Variants in STK33 observed in about 807,000 individuals in gnomAD.
The protein encoded by STK33 is serine/threonine kinase 33, also known as serine/threonine-protein kinase 33.
In STK33, 52 loss-of-function variants were observed where a neutral mutation model predicts 58.0. The observed-to-expected ratio is 0.90, with a 90% CI of 0.72 to 1.13. The LOEUF is 1.13. Among genes scored for constraint, STK33 ranks in the 50% most tolerant of loss-of-function variants. The pLI, the probability that STK33 is intolerant of heterozygous loss-of-function variation, is 0.00. For synonymous variants in STK33, 215 were observed against 200.1 expected (o/e 1.07, Z -0.63); for missense variants, 630 against 604.2 (o/e 1.04, Z -0.45).
At chr11:8,442,034 C>CATACCTACACCT (rs985918411) in intron 11 of STK33, among the ~76,000 whole-genome samples, 6 of 36,616 alleles carry the variant, frequency 1.6e-4, no homozygotes, top group Admixed American at 1.1e-3. Context: ...TACACCTACA[C>CATACCTACACCT]ACACACACAC....
chr11:8,461,555 T>A (rs1309720726), intron 8 of STK33, among the ~76,000 whole-genome samples: 1 of 152,166 alleles, frequency 6.6e-6, no homozygotes, highest in South Asian at 2.1e-4. Context: ...TATGAAGTTG[T>A]TGTAATTTTA....
intron 15 of STK33, among the ~76,000 whole-genome samples, chr11:8,406,972 T>C (rs560909015): frequency 1.9e-5 from 2 of 107,490 alleles, no homozygotes; most frequent in African/African-American, 8.4e-5. Context: ...CTAATTGTAG[T>C]TTTGGATTTT....
At chr11:8,440,031 C>A (rs137879336) in intron 12 of STK33, among the ~76,000 whole-genome samples, 1 of 150,736 alleles carries the variant, frequency 6.6e-6, no homozygotes, top group East Asian at 2.0e-4. Flanking sequence ...TCAGAAAGAC[C>A]CTGCAATAGT....
At chr11:8,353,845 G>A in the STK33 span, among the ~76,000 whole-genome samples, 1 of 152,146 alleles carries the variant, frequency 6.6e-6, no homozygotes, top group Non-Finnish European at 1.5e-5. Context: ...AACAGCCACA[G>A]CCCCAGATCC....
chr11:8,346,583 C>T, the STK33 span, among the ~76,000 whole-genome samples: 1 of 152,330 alleles, frequency 6.6e-6, no homozygotes, highest in Middle Eastern at 3.4e-3. Flanking sequence ...TGAGGAAAGG[C>T]CCGGCTTCCA....
chr11:8,490,664 T>C (rs1210633419), intron 1 of STK33, among the ~76,000 whole-genome samples: 2 of 152,004 alleles, frequency 1.3e-5, no homozygotes, highest in African/African-American at 4.8e-5. Flanking sequence ...CACCTTCCAG[T>C]AGGGGGCTGA....
chr11:8,493,567 A>T (rs2138796656), intron 1 of STK33, among the ~76,000 whole-genome samples: 1 of 152,304 alleles, frequency 6.6e-6, no homozygotes, highest in East Asian at 1.9e-4. Context: ...AATCAATAGA[A>T]AAAGAGAAAA....
At chr11:8,556,220 G>C (rs2140808584) in intron 1 of STK33, among the ~76,000 whole-genome samples, 1 of 152,278 alleles carries the variant, frequency 6.6e-6, no homozygotes, top group Non-Finnish European at 1.5e-5. Flanking sequence ...CGGGTAATTG[G>C]GGAGCTGGTA....
chr11:8,559,583 G>C (rs1252143156), intron 1 of STK33, among the ~76,000 whole-genome samples: 1 of 152,098 alleles, frequency 6.6e-6, no homozygotes, highest in South Asian at 2.1e-4. Context: ...GAACCTACTT[G>C]ATTTGTTTTA....
At chr11:8,527,478 GTTT>G (rs548742894) in intron 1 of STK33, among the ~76,000 whole-genome samples, 1 of 145,118 alleles carries the variant, frequency 6.9e-6, no homozygotes, top group African/African-American at 2.5e-5. Context: ...GTGAGTTTTT[GTTT>G]TTTTTTTTAA....
chr11:8,411,612 G>A (rs1940257951), intron 15 of STK33, among the ~76,000 whole-genome samples: 1 of 152,162 alleles, frequency 6.6e-6, no homozygotes, highest in African/African-American at 2.4e-5. Context: ...ATCAAGGGAA[G>A]ACAAGCTCCT....
At chr11:8,381,355 A>C in the STK33 span, among the ~76,000 whole-genome samples, 1 of 152,138 alleles carries the variant, frequency 6.6e-6, no homozygotes, top group African/African-American at 2.4e-5. Flanking sequence ...TATTCCAAGT[A>C]ATCTGTCAGC....
chr11:8,519,733 G>GA (rs199895219), intron 1 of STK33, among the ~76,000 whole-genome samples: 31,464 of 152,046 alleles, frequency 0.21, 3,592 homozygotes, highest in African/African-American at 0.3. Context: ...AAATAAACTA[G>GA]AAAATCTAGA....
chr11:8,474,891 G>C lies in STK33; in HGVS notation c.15C>G (p.Gly5=). MADS[G]LDKKSTKCPD... The stretch of plus-strand genomic sequence containing the variant: ...GGCATTTTGTGGATTTTTTATCTAA[G>C]CCACTATCAGCCATTTGTTTAACTC... Residue 5 remains glycine (G), a synonymous_variant, in exon 5 of 16, where the codon GGC becomes GGG. Coordinates refer to ENST00000687296, the MANE Select transcript of STK33 (RefSeq NM_001352389.2). 4 of 1,583,058 alleles carry C rather than the reference G, an allele frequency of 2.5e-6. No homozygotes were observed. The Admixed American group carries it at 5.6e-5, about 22-fold the overall frequency.
intron 1 of STK33, among the ~76,000 whole-genome samples, chr11:8,491,940 G>A (rs1950648200): frequency 6.6e-6 from 1 of 152,154 alleles, no homozygotes; most frequent in Non-Finnish European, 1.5e-5. Flanking sequence ...AGCTCCTGAA[G>A]GAAGCACCAA....
intron 1 of STK33, among the ~76,000 whole-genome samples, chr11:8,546,027 C>T (rs553922954): frequency 4.6e-5 from 7 of 152,180 alleles, no homozygotes; most frequent in African/African-American, 9.6e-5. Flanking sequence ...AATTGTAACA[C>T]GATGGTATTT....
intron 14 of STK33, among the ~76,000 whole-genome samples, chr11:8,417,690 T>G (rs1941327088): frequency 6.6e-6 from 1 of 152,116 alleles, no homozygotes; most frequent in African/African-American, 2.4e-5. Context: ...ATGGAACACT[T>G]TATTTAAAAA....
intron 15 of STK33, among the ~76,000 whole-genome samples, chr11:8,403,706 G>C (rs1180764558): frequency 6.6e-6 from 1 of 152,128 alleles, no homozygotes; most frequent in African/African-American, 2.4e-5. Flanking sequence ...AGTACCCTTG[G>C]CCTAATTTCT....
At chr11:8,341,122 G>A in the STK33 span, among the ~76,000 whole-genome samples, 1 of 152,104 alleles carries the variant, frequency 6.6e-6, no homozygotes, top group South Asian at 2.1e-4. Context: ...CCTCCAAAGT[G>A]CTGGGATTAC....
Sources: gnomAD v4.1 joint callset for allele counts (sites outside exome capture counted in the v4.1 genomes callset) on GRCh38, gnomAD v4.1.1 for gene constraint, MANE v1.5 for transcripts, NCBI Gene and HGNC (gene_info 2026-07-23, HGNC 2026-07-21) for gene names.